CTTNBP2NL: variants seen among roughly 807,000 people sequenced by gnomAD.
CTTNBP2NL encodes the protein CTTNBP2 N-terminal like.
In CTTNBP2NL, 16 loss-of-function variants were observed where a neutral mutation model predicts 32.5. The observed-to-expected ratio is 0.49, with a 90% CI of 0.33 to 0.75. CTTNBP2NL has a LOEUF of 0.75. Among genes scored for constraint, CTTNBP2NL ranks in the 30% least tolerant of loss-of-function variants. The pLI is 0.02. For synonymous variants in CTTNBP2NL, 298 were observed against 289.4 expected (o/e 1.03, Z -0.30); for missense variants, 645 against 756.0 (o/e 0.85, Z 1.72).
At chr1:112,430,294 C>T (rs763887908) in intron 3 of CTTNBP2NL, among the ~76,000 whole-genome samples, 8 of 151,886 alleles carry the variant, frequency 5.3e-5, no homozygotes, top group Admixed American at 3.3e-4. Context: ...GGCATGATCT[C>T]AGCTCACTGC....
intron 3 of CTTNBP2NL, among the ~76,000 whole-genome samples, chr1:112,436,140 A>G (rs7542084): frequency 0.019 from 2,578 of 136,772 alleles, 87 homozygotes; most frequent in African/African-American, 0.069. Flanking sequence ...CAAAATCTTT[A>G]TCATCCCCCT....
chr1:112,423,087 T>C (rs569731268), intron 3 of CTTNBP2NL, among the ~76,000 whole-genome samples: 1 of 152,312 alleles, frequency 6.6e-6, no homozygotes, highest in South Asian at 2.1e-4. Flanking sequence ...GTCACCAACC[T>C]GGCCTGTGTT....
At chr1:112,393,524 C>A (rs1648233258), upstream of CTTNBP2NL, among the ~76,000 whole-genome samples, 1 of 151,994 alleles carries the variant, frequency 6.6e-6, no homozygotes, top group East Asian at 1.9e-4. Context: ...CATTTTTTAC[C>A]TCTGCGTACA....
chr1:112,436,385 G>C (rs905079058), intron 3 of CTTNBP2NL, among the ~76,000 whole-genome samples: 3 of 152,174 alleles, frequency 2.0e-5, no homozygotes, highest in African/African-American at 7.2e-5. Context: ...GAGGGTCTTG[G>C]TTATTCTAAT....
At chr1:112,425,527 C>T (rs987536419) in intron 3 of CTTNBP2NL, among the ~76,000 whole-genome samples, 2 of 152,030 alleles carry the variant, frequency 1.3e-5, no homozygotes, top group Admixed American at 6.5e-5. Context: ...ATCCTGCAAC[C>T]ATGCTAATAA....
At chr1:112,417,935 T>C (rs982354896) in intron 3 of CTTNBP2NL, among the ~76,000 whole-genome samples, 9 of 152,184 alleles carry the variant, frequency 5.9e-5, no homozygotes, top group Admixed American at 3.3e-4. Context: ...TGTTGGACTT[T>C]ATGAACTACT....
At chr1:112,420,825 CAT>C (rs1649207011) in intron 3 of CTTNBP2NL, among the ~76,000 whole-genome samples, 1 of 152,104 alleles carries the variant, frequency 6.6e-6, no homozygotes, top group Non-Finnish European at 1.5e-5. Flanking sequence ...AAAAAAGAAA[CAT>C]AAAGATAATT....
At position 112,457,739 on chromosome 1, in the gene CTTNBP2NL, T is replaced by C; in HGVS notation, c.*327T>C. ...GAACTAGAATCACTCAACACTCATT[T>C]TGAATTATGCAGAAGTGGTTCATGC... On this transcript the variant is annotated 3_prime_UTR_variant, in exon 6 of 6. Coordinates refer to ENST00000271277, the MANE Select transcript of CTTNBP2NL (RefSeq NM_018704.3). 4.6e-6 allele frequency: 1 copy of C among 219,484 alleles called. No individual in the cohort carries two copies. Among genetic ancestry groups the C allele is most frequent in the Non-Finnish European group, 9.0e-6 (1 of 110,976 alleles). 13.6% of individuals were successfully genotyped at this position (219,484 alleles called of 1,614,324 possible). A position where few individuals can be genotyped will look rare whatever the true frequency, so the allele number is the denominator to read the frequency against.
intron 3 of CTTNBP2NL, among the ~76,000 whole-genome samples, chr1:112,435,830 A>G (rs1235619497): frequency 6.6e-6 from 1 of 152,182 alleles, no homozygotes; most frequent in Admixed American, 6.5e-5. Flanking sequence ...TTGGGGTGTG[A>G]TTATCTGCAT....
At chr1:112,394,127 A>G (rs1350736118), upstream of CTTNBP2NL, among the ~76,000 whole-genome samples, 6 of 151,486 alleles carry the variant, frequency 4.0e-5, no homozygotes, top group Non-Finnish European at 8.8e-5. Flanking sequence ...AATCGCTTGA[A>G]CCCAGAAGGC....
chr1:112,397,784 A>G (rs1233570386), intron 1 of CTTNBP2NL, among the ~76,000 whole-genome samples: 2 of 152,356 alleles, frequency 1.3e-5, no homozygotes, highest in South Asian at 2.1e-4. Context: ...TCTGTCAGCT[A>G]TAGCCAAAGC....
intron 3 of CTTNBP2NL, among the ~76,000 whole-genome samples, chr1:112,431,443 A>G (rs1364545404): frequency 6.6e-6 from 1 of 152,246 alleles, no homozygotes; most frequent in African/African-American, 2.4e-5. Context: ...GGAGAAAACC[A>G]TCTTGTATGT....
At chr1:112,393,785 A>T (rs1341932009), upstream of CTTNBP2NL, among the ~76,000 whole-genome samples, 1 of 152,228 alleles carries the variant, frequency 6.6e-6, no homozygotes, top group Admixed American at 6.5e-5. Context: ...GCAGAAGGGA[A>T]GCCAGGAAAT....
chr1:112,392,858 G>T (rs553563407), upstream of CTTNBP2NL, among the ~76,000 whole-genome samples: 8 of 149,460 alleles, frequency 5.4e-5, no homozygotes, highest in South Asian at 4.2e-4. Context: ...ATTTTTTTTT[G>T]TTTGTTTGTT....
rs1046836724 is a variant in CTTNBP2NL at position 112,448,112 on chromosome 1, A to G, written c.100-830A>G. Among the ~76,000 whole-genome samples the G allele has an allele frequency of 7.9e-5, 12 of 152,222 alleles. 1 individual carries two copies. The highest frequency in any genetic ancestry group is 1.6e-4 in the Non-Finnish European group (11 of 68,050). On this transcript the variant is annotated intron_variant, in intron 3 of 5. Coordinates refer to ENST00000271277, the MANE Select transcript of CTTNBP2NL (RefSeq NM_018704.3). ...GTACCCAGGGCTAACGTCCTTGACC[A>G]GACTCCAGGCACCAGCTTGCATCCC...
intron 3 of CTTNBP2NL, among the ~76,000 whole-genome samples, chr1:112,435,293 A>G (rs1266623938): frequency 6.6e-6 from 1 of 152,114 alleles, no homozygotes; most frequent in Non-Finnish European, 1.5e-5. Flanking sequence ...CACAGATTAT[A>G]GGGATTTGTT....
At chr1:112,450,476 T>C (rs1283250340) in intron 4 of CTTNBP2NL, among the ~76,000 whole-genome samples, 1 of 152,180 alleles carries the variant, frequency 6.6e-6, no homozygotes, top group African/African-American at 2.4e-5. Context: ...GGGAGTTAGT[T>C]GCCTAAATTG....
At chr1:112,454,678 A>T in intron 5 of CTTNBP2NL, 122 bp downstream of exon 5, 2 of 757,934 alleles carry the variant, frequency 2.6e-6, no homozygotes, top group Non-Finnish European at 4.6e-6. Flanking sequence ...TAAGTTTAGG[A>T]ACTACTGGAT....
chr1:112,409,572 T>A (rs895686152), intron 1 of CTTNBP2NL, among the ~76,000 whole-genome samples: 1 of 152,166 alleles, frequency 6.6e-6, no homozygotes, highest in Admixed American at 6.5e-5. Flanking sequence ...CACACCCAGA[T>A]AATAGACAGA....
Sources: gnomAD v4.1 joint callset for allele counts (sites outside exome capture counted in the v4.1 genomes callset) on GRCh38, gnomAD v4.1.1 for gene constraint, MANE v1.5 for transcripts, NCBI Gene and HGNC (gene_info 2026-07-23, HGNC 2026-07-21) for gene names.